FAM53A: variants seen among roughly 807,000 people sequenced by gnomAD.
The protein encoded by FAM53A is protein FAM53A.
Under a neutral mutation model 26.6 loss-of-function variants are expected in FAM53A, and 28 were observed. That is an observed-to-expected ratio of 1.05 (90% CI 0.78 to 1.45). FAM53A has a LOEUF of 1.45. Among genes scored for constraint, FAM53A ranks in the 40% most tolerant of loss-of-function variants. FAM53A has a pLI of 0.00. For synonymous variants in FAM53A, 290 were observed against 253.1 expected (o/e 1.15, Z -1.38); for missense variants, 650 against 575.8 (o/e 1.13, Z -1.32).
Position 1,641,616 on chromosome 4 carries a change from G to GA in FAM53A, c.883-10dup. On this transcript the variant is annotated splice_polypyrimidine_tract_variant and intron_variant, in intron 4 of 4. Coordinates refer to ENST00000308132, the MANE Select transcript of FAM53A (RefSeq NM_001174070.3). ...TTTGAATTTTTTAAAGTCTGCAATA[G>GA]AAAAGATACGGGCTTAAAGCATTTC... The GA allele has an allele frequency of 6.2e-7, 1 of 1,613,894 alleles. No homozygotes were observed. Among genetic ancestry groups the GA allele is most frequent in the South Asian group, 1.1e-5 (1 of 91,034 alleles).
chr4:1,652,371 ACAC>A (rs1466003448), intron 4 of FAM53A, among the ~76,000 whole-genome samples: 10 of 139,720 alleles, frequency 7.2e-5, no homozygotes, highest in African/African-American at 2.2e-4. Context: ...CGCACAACAC[ACAC>A]AACACACATC....
chr4:1,670,232 T>C (rs996817829), intron 1 of FAM53A, among the ~76,000 whole-genome samples: 3 of 152,256 alleles, frequency 2.0e-5, no homozygotes, highest in African/African-American at 7.2e-5. Flanking sequence ...TCAACACGGT[T>C]CGATACCTGC....
At chr4:1,612,344 C>G in the FAM53A span, among the ~76,000 whole-genome samples, 1 of 152,228 alleles carries the variant, frequency 6.6e-6, no homozygotes, top group Non-Finnish European at 1.5e-5. Context: ...AGACCTCTCA[C>G]GGTGCTGCCA....
the FAM53A span, among the ~76,000 whole-genome samples, chr4:1,595,821 A>C: frequency 6.6e-6 from 1 of 152,184 alleles, no homozygotes; most frequent in Non-Finnish European, 1.5e-5. Context: ...TCTGTGGTCT[A>C]CTGGGGCCCT....
chr4:1,674,528 G>C (rs1190527095), intron 1 of FAM53A, among the ~76,000 whole-genome samples: 8 of 152,104 alleles, frequency 5.3e-5, no homozygotes. Flanking sequence ...AATTAGCTGG[G>C]TGTGGTGGCA....
intron 1 of FAM53A, among the ~76,000 whole-genome samples, chr4:1,619,318 C>G (rs1227324163): frequency 6.6e-6 from 1 of 152,220 alleles, no homozygotes; most frequent in East Asian, 1.9e-4. Context: ...CACGCACTGC[C>G]AGGGCGGCCA....
chr4:1,617,148 G>C (rs1714840676), downstream of FAM53A, among the ~76,000 whole-genome samples: 1 of 126,944 alleles, frequency 7.9e-6, no homozygotes, highest in African/African-American at 3.4e-5. Context: ...TTAAAAAAAA[G>C]TTTCATTTAT....
chr4:1,636,169 T>C (rs1420018098), downstream of FAM53A, among the ~76,000 whole-genome samples: 8 of 152,206 alleles, frequency 5.3e-5, no homozygotes, highest in African/African-American at 1.9e-4. Flanking sequence ...CTTTGAAATG[T>C]ACTGGCATTT....
chr4:1,638,343 C>T (rs887165288), downstream of FAM53A, among the ~76,000 whole-genome samples: 33 of 152,126 alleles, frequency 2.2e-4, no homozygotes, highest in Non-Finnish European at 3.8e-4. Flanking sequence ...GTGCCCTGAA[C>T]CTTCCGTCTC....
At chr4:1,632,799 C>T (rs1462712394) in intron 1 of FAM53A, among the ~76,000 whole-genome samples, 1 of 152,238 alleles carries the variant, frequency 6.6e-6, no homozygotes, top group Non-Finnish European at 1.5e-5. Flanking sequence ...TACATGGACA[C>T]ACATGCCCAT....
intron 2 of FAM53A, among the ~76,000 whole-genome samples, chr4:1,662,544 G>A (rs946687178): frequency 2.3e-4 from 33 of 141,602 alleles, no homozygotes; most frequent in Admixed American, 2.1e-3. Flanking sequence ...TAGCTACTCA[G>A]AAGGCTGAGG....
chr4:1,605,617 C>A, the FAM53A span, among the ~76,000 whole-genome samples: 1 of 140,636 alleles, frequency 7.1e-6, no homozygotes, highest in Non-Finnish European at 1.6e-5. The surrounding 1 kb of genome is among the most constrained non-coding windows in gnomAD (Gnocchi z 5.7). Context: ...CAGGTGTGGA[C>A]GCGGCTCCTC....
At chr4:1,660,823 G>A (rs529447758) in intron 2 of FAM53A, among the ~76,000 whole-genome samples, 3 of 151,966 alleles carry the variant, frequency 2.0e-5, no homozygotes, top group East Asian at 3.9e-4. Context: ...AGAGCTTGCA[G>A]TGAGCGGAGA....
chr4:1,577,000 G>A, the FAM53A span, among the ~76,000 whole-genome samples: 1 of 107,890 alleles, frequency 9.3e-6, no homozygotes, highest in Non-Finnish European at 2.0e-5. Flanking sequence ...CACTGTTCCC[G>A]GCCCCTCCCT....
chr4:1,679,832 T>C (rs1715293786), intron 1 of FAM53A, among the ~76,000 whole-genome samples: 1 of 151,748 alleles, frequency 6.6e-6, no homozygotes, highest in African/African-American at 2.4e-5. Context: ...GTGGATCACC[T>C]GAGATCAGGA....
At chr4:1,593,405 A>G in the FAM53A span, among the ~76,000 whole-genome samples, 1 of 152,088 alleles carries the variant, frequency 6.6e-6, no homozygotes, top group Non-Finnish European at 1.5e-5. Context: ...CGCCCCTGAC[A>G]GTCGCCCCGC....
rs116185051 is a variant in FAM53A, at chr4:1,670,491, C to G, written c.-164-1586G>C. On this transcript the variant is annotated intron_variant, in intron 1 of 4. Coordinates refer to ENST00000308132, the MANE Select transcript of FAM53A (RefSeq NM_001174070.3). ...CCCAGGCAGGGTCTGTGCACAGGTC[C>G]TGACGGGTGCCACCCACCCATGGGG... Among the ~76,000 whole-genome samples the G allele has an allele frequency of 3.1e-3, 477 of 152,374 alleles. 2 individuals carry two copies. The highest frequency in any genetic ancestry group is 0.011 in the African/African-American group (457 of 41,584).
Position 1,657,413 on chromosome 4 carries a change from A to C in FAM53A, c.131T>G (p.Leu44Arg). 1.2e-6 allele frequency: 2 copies of C among 1,613,486 alleles called. No individual in the cohort carries two copies. The highest frequency in any genetic ancestry group is 1.7e-6 in the Non-Finnish European group (2 of 1,179,686). Residue 44 changes from leucine (L) to arginine (R), a missense_variant, in exon 3 of 5, where the codon CTC becomes CGC. Coordinates refer to ENST00000308132, the MANE Select transcript of FAM53A (RefSeq NM_001174070.3). ...NKSGRLFPLE[L>R]NDQSPWKVFS... Reference sequence around the variant, plus strand: ...ACAGCTCCTAAAGTGCTCACCGTTGAGCTCCAAAGGGAACAGACGACCGCT... The same window carrying C: ...ACAGCTCCTAAAGTGCTCACCGTTGCGCTCCAAAGGGAACAGACGACCGCT...
chr4:1,592,973 G>A, the FAM53A span, among the ~76,000 whole-genome samples: 1 of 152,124 alleles, frequency 6.6e-6, no homozygotes, highest in African/African-American at 2.4e-5. Context: ...CAACGGAACC[G>A]GCCCTGATTC....
Sources: allele counts gnomAD v4.1 joint callset (sites outside exome capture counted in the v4.1 genomes callset), GRCh38; gene constraint gnomAD v4.1.1; non-coding constraint Gnocchi (gnomAD v3.1); transcripts MANE v1.5; gene names NCBI Gene and HGNC (gene_info 2026-07-23, HGNC 2026-07-21).